The following FKBP11 variants were observed in gnomAD, a reference collection of about 807,000 sequenced individuals.
The protein encoded by FKBP11 is FKBP prolyl isomerase 11.
In FKBP11, 21 loss-of-function variants were observed where a neutral mutation model predicts 24.7. The ratio of observed to expected loss-of-function variants is 0.85; its 90% CI spans 0.60 to 1.23. The LOEUF (loss-of-function observed/expected upper bound fraction) is 1.23, where lower values mean the gene tolerates loss of function less well. Ranked by LOEUF, FKBP11 falls within the 50% of genes most tolerant of loss-of-function variation. The pLI is 0.00. For synonymous variants in FKBP11, 106 were observed against 100.6 expected, an observed-to-expected ratio of 1.05 and a Z score of -0.32; for missense variants, 245 against 248.7, an observed-to-expected ratio of 0.99 and a Z score of 0.10.
the FKBP11 span, chr12:48,936,000 C>T: frequency 3.9e-5 from 6 of 152,252 alleles, no homozygotes; most frequent in Non-Finnish European, 8.8e-5. Context: ...TGGGCTCCCC[C>T]GCCGCGGGGT....
upstream of FKBP11, among the ~76,000 whole-genome samples, chr12:48,929,992 T>C (rs1382646075): frequency 6.6e-6 from 1 of 152,198 alleles, no homozygotes; most frequent in Non-Finnish European, 1.5e-5. Context: ...CAGTTATTTG[T>C]GTATGCCCCA....
upstream of FKBP11, among the ~76,000 whole-genome samples, chr12:48,930,242 A>G (rs577726560): frequency 6.6e-6 from 1 of 152,266 alleles, no homozygotes; most frequent in Non-Finnish European, 1.5e-5. Context: ...TAAAAAAGCA[A>G]GTAGCAGAAT....
chr12:48,924,051 G>C, intron 4 of FKBP11, 172 bp downstream of exon 4: 2 of 888,042 alleles, frequency 2.3e-6, no homozygotes, highest in Non-Finnish European at 3.7e-6. Flanking sequence ...AAGCAACAGC[G>C]CAAGAGGCAC....
chr12:48,938,152 G>A, the FKBP11 span: 2 of 336,492 alleles, frequency 5.9e-6, no homozygotes, highest in Admixed American at 7.7e-5. Flanking sequence ...ATCTCCTTGG[G>A]AACAGTCATC....
upstream of FKBP11, among the ~76,000 whole-genome samples, chr12:48,927,000 G>C (rs1225080855): frequency 6.6e-6 from 1 of 152,106 alleles, no homozygotes; most frequent in African/African-American, 2.4e-5. Context: ...AGTAGAGATG[G>C]GGTTTCGCCA....
At chr12:48,925,249 A>G in intron 1 of FKBP11, 51 bp downstream of exon 1, 1 of 1,598,844 alleles carries the variant, frequency 6.3e-7, no homozygotes, top group Non-Finnish European at 8.5e-7. Context: ...CAGTATTACC[A>G]CCCAACAAGG....
chr12:48,924,740 C>A, intron 2 of FKBP11, 92 bp from the exon 3 acceptor site: 3 of 1,568,986 alleles, frequency 1.9e-6, no homozygotes, highest in South Asian at 2.3e-5. Context: ...GCGGCGGCAG[C>A]CCCCTTAGTG....
At position 48,924,677 on chromosome 12, in the gene FKBP11, A is replaced by C. The variant is rs777169286; in HGVS notation, c.196-29T>G. 19 of 1,604,684 alleles carry C rather than the reference A, an allele frequency of 1.2e-5. No homozygotes were observed. The South Asian group carries it at 1.8e-4, about 15-fold the overall frequency. On this transcript the variant is annotated intron_variant, in intron 2 of 5. Coordinates refer to ENST00000550765, the MANE Select transcript of FKBP11 (RefSeq NM_016594.3). Reference sequence around the variant, plus strand: ...GGGGGAGAGAGCATCAAGAGCATACATCTAGCACCCTCTCCCTCCCAGCAG... The same window carrying C: ...GGGGGAGAGAGCATCAAGAGCATACCTCTAGCACCCTCTCCCTCCCAGCAG...
At chr12:48,932,243 A>T in the FKBP11 span, among the ~76,000 whole-genome samples, 2 of 37,442 alleles carry the variant, frequency 5.3e-5, no homozygotes, top group East Asian at 5.7e-4. Context: ...ATATATATAT[A>T]TATATATATA....
At chr12:48,932,202 G>A in the FKBP11 span, among the ~76,000 whole-genome samples, 78 of 90,894 alleles carry the variant, frequency 8.6e-4, no homozygotes, top group African/African-American at 3.0e-3. Context: ...ACATATAATT[G>A]TATATATATC....
chr12:48,923,633 G>C (rs1939886380), intron 5 of FKBP11, 149 bp downstream of exon 5: 1 of 1,562,202 alleles, frequency 6.4e-7, no homozygotes, highest in East Asian at 2.4e-5. Context: ...GGAAAAAGGT[G>C]GCCCTGTAGA....
At chr12:48,932,168 A>AAAAT in the FKBP11 span, among the ~76,000 whole-genome samples, 3,167 of 123,998 alleles carry the variant, frequency 0.026, 60 homozygotes, top group Middle Eastern at 0.053. Flanking sequence ...TAAAAGTAAA[A>AAAAT]ATATATATAT....
upstream of FKBP11, among the ~76,000 whole-genome samples, chr12:48,929,140 CTTGT>C (rs1399796019): frequency 6.6e-6 from 1 of 150,530 alleles, no homozygotes; most frequent in Non-Finnish European, 1.5e-5. Context: ...AAACTTCTAT[CTTGT>C]TTAAGAAAAG....
chr12:48,928,178 G>A (rs1940004734), upstream of FKBP11, among the ~76,000 whole-genome samples: 1 of 146,430 alleles, frequency 6.8e-6, no homozygotes, highest in South Asian at 2.2e-4. Flanking sequence ...CCAAGTAGCT[G>A]GGACCACAGA....
chr12:48,922,231 GAC>G (rs1191678705), intron 5 of FKBP11, 30 bp from the exon 6 acceptor site: 2 of 1,572,138 alleles, frequency 1.3e-6, no homozygotes, highest in Non-Finnish European at 1.7e-6. Context: ...GAGAGGGTTA[GAC>G]TCTCTGCATT....
upstream of FKBP11, chr12:48,925,759 A>AACC (rs1939951702): frequency 3.1e-6 from 1 of 322,468 alleles, no homozygotes; most frequent in Non-Finnish European, 5.9e-6. Context: ...TAATCCTCAA[A>AACC]ACCACCCTGA....
At chr12:48,931,635 C>A in the FKBP11 span, 2 of 634,418 alleles carry the variant, frequency 3.2e-6, no homozygotes, top group Non-Finnish European at 5.4e-6. Context: ...AACCCTACCA[C>A]AGTACCTGGG....
In FKBP11 at chr12:48,922,545, CACACGG is replaced by C. The variant is rs2137552426; in HGVS notation, c.389-350_389-345del. ...CTAATTTATCGTATTTCCAAATAAC[CACACGG>C]ATAGAGTCTTTGCAGGGCTGAAATT... On this transcript the variant is annotated intron_variant, in intron 5 of 5. Transcript: ENST00000550765. The C allele has an allele frequency of 3.9e-6, 4 of 1,022,688 alleles. No homozygotes were observed. The South Asian group carries it at 1.7e-4, about 44-fold the overall frequency. 63.4% of individuals were successfully genotyped at this position (1,022,688 alleles called of 1,614,324 possible).
chr12:48,923,420 G>T, intron 5 of FKBP11: 2 of 1,479,900 alleles, frequency 1.4e-6, no homozygotes, highest in Non-Finnish European at 9.0e-7. Context: ...AAAGGAAGGG[G>T]TGGGGGGTGG....
Sources: gnomAD v4.1 joint callset for allele counts (sites outside exome capture counted in the v4.1 genomes callset) on GRCh38, gnomAD v4.1.1 for gene constraint, MANE v1.5 for transcripts, NCBI Gene and HGNC (gene_info 2026-07-23, HGNC 2026-07-21) for gene names.